Variants in PDZRN4 observed in about 807,000 individuals in gnomAD.
PDZRN4 encodes the protein PDZ domain containing ring finger 4.
PDZRN4 carries 70 observed loss-of-function variants against 99.0 expected under a neutral mutation model. That is an observed-to-expected ratio of 0.71 (90% CI 0.58 to 0.86). The LOEUF is 0.86. Ranked by LOEUF, PDZRN4 falls within the 40% of genes least tolerant of loss-of-function variation. The pLI is 0.00. For missense variants in PDZRN4, 1,474 were observed against 1,331.2 expected (o/e 1.11, Z -1.67); for synonymous variants, 551 against 501.6 (o/e 1.10, Z -1.32).
At chr12:41,376,132 A>G (rs1952077713) in intron 3 of PDZRN4, among the ~76,000 whole-genome samples, 1 of 152,126 alleles carries the variant, frequency 6.6e-6, no homozygotes, top group Admixed American at 6.6e-5. Context: ...ATGTCTGTGT[A>G]TATCTCACAA....
intron 3 of PDZRN4, among the ~76,000 whole-genome samples, chr12:41,385,787 A>G (rs1437549828): frequency 2.0e-5 from 3 of 152,188 alleles, no homozygotes; most frequent in Non-Finnish European, 2.9e-5. Flanking sequence ...AAAGTTGAGG[A>G]GGAAGGACTC....
chr12:41,341,254 C>T (rs1028628891), intron 3 of PDZRN4, among the ~76,000 whole-genome samples: 1 of 151,660 alleles, frequency 6.6e-6, no homozygotes, highest in African/African-American at 2.4e-5. Flanking sequence ...TAGCTAACAT[C>T]ATACTGAATG....
chr12:41,388,821 A>T (rs893616888), intron 3 of PDZRN4, among the ~76,000 whole-genome samples: 3 of 152,196 alleles, frequency 2.0e-5, no homozygotes, highest in African/African-American at 7.2e-5. Context: ...TTTGGCAGTT[A>T]CCTTCAAATA....
At chr12:41,254,897 G>A (rs1431121) in intron 3 of PDZRN4, among the ~76,000 whole-genome samples, 95,924 of 151,838 alleles carry the variant, frequency 0.63, 30,593 homozygotes, top group Middle Eastern at 0.71. Context: ...ACTAGCCTAG[G>A]CAACACAGGG....
chr12:41,519,017 T>C (rs1298973098), intron 5 of PDZRN4, among the ~76,000 whole-genome samples: 1 of 152,076 alleles, frequency 6.6e-6, no homozygotes, highest in Non-Finnish European at 1.5e-5. Flanking sequence ...TTCATCAACA[T>C]AGTAAATGGG....
chr12:41,402,039 C>G (rs576038861), intron 3 of PDZRN4, among the ~76,000 whole-genome samples: 1 of 142,982 alleles, frequency 7.0e-6, no homozygotes, highest in South Asian at 2.2e-4. Context: ...ACACTTGTAA[C>G]TTCTTCCCAC....
At chr12:41,420,951 C>T (rs975512590) in intron 3 of PDZRN4, among the ~76,000 whole-genome samples, 9 of 152,144 alleles carry the variant, frequency 5.9e-5, no homozygotes, top group Non-Finnish European at 1.2e-4. Flanking sequence ...CACGGTACGT[C>T]TTCCTCCTGA....
At chr12:41,422,978 T>A (rs1952504616) in intron 3 of PDZRN4, among the ~76,000 whole-genome samples, 1 of 152,122 alleles carries the variant, frequency 6.6e-6, no homozygotes, top group Admixed American at 6.5e-5. Flanking sequence ...CATATGCTGA[T>A]TCTGGTTTTA....
chr12:41,365,594 G>A (rs12300618), intron 3 of PDZRN4, among the ~76,000 whole-genome samples: 1,617 of 152,122 alleles, frequency 0.011, 29 homozygotes, highest in African/African-American at 0.037. Context: ...TTGACGGATA[G>A]CAAGTAGCTA....
At chr12:41,458,382 A>G (rs780082365) in intron 3 of PDZRN4, among the ~76,000 whole-genome samples, 16 of 152,102 alleles carry the variant, frequency 1.1e-4, no homozygotes, top group Non-Finnish European at 2.2e-4. Context: ...GTCTTGAACT[A>G]CTGACCTCAG....
chr12:41,210,718 G>C (rs1950882637), intron 3 of PDZRN4, among the ~76,000 whole-genome samples: 1 of 151,920 alleles, frequency 6.6e-6, no homozygotes, highest in Non-Finnish European at 1.5e-5. Flanking sequence ...ATATAAATCT[G>C]AACTTACCTA....
intron 3 of PDZRN4, among the ~76,000 whole-genome samples, chr12:41,224,998 A>T (rs1176309141): frequency 6.6e-6 from 1 of 152,166 alleles, no homozygotes; most frequent in African/African-American, 2.4e-5. Flanking sequence ...AAAAATAAAA[A>T]TAGAATACTT....
intron 9 of PDZRN4, among the ~76,000 whole-genome samples, chr12:41,571,374 T>TCACACACACACACA (rs1254502549): frequency 1.6e-5 from 1 of 60,714 alleles, no homozygotes; most frequent in Admixed American, 1.9e-4. Context: ...TCTCTCTCTC[T>TCACACACACACACA]CTCACACACA....
At chr12:41,299,908 C>G (rs1951522821) in intron 3 of PDZRN4, among the ~76,000 whole-genome samples, 1 of 151,852 alleles carries the variant, frequency 6.6e-6, no homozygotes, top group Non-Finnish European at 1.5e-5. Context: ...AACAAAGTTT[C>G]TTTCAAAAAT....
intron 3 of PDZRN4, among the ~76,000 whole-genome samples, chr12:41,216,199 T>C (rs1206583373): frequency 6.6e-6 from 1 of 152,040 alleles, no homozygotes; most frequent in Admixed American, 6.6e-5. Context: ...AGTATTGTTC[T>C]GGACATTATA....
At chr12:41,439,692 C>G (rs1436309780) in intron 3 of PDZRN4, among the ~76,000 whole-genome samples, 1 of 152,146 alleles carries the variant, frequency 6.6e-6, no homozygotes, top group Non-Finnish European at 1.5e-5. Context: ...AAGCCATGCT[C>G]TTTATTGCCT....
rs530603950 is a variant in PDZRN4, at chr12:41,547,410, G to A, written c.1204-5246G>A. On this transcript the variant is annotated intron_variant, in intron 5 of 9. Transcript: ENST00000402685. ...GGAGGCCAAGGCTGGCAGATCACTT[G>A]AGGTCAGGAGTTTGAGACCAACCTG... Among the ~76,000 whole-genome samples, 6 of 152,240 alleles carry A rather than the reference G, an allele frequency of 3.9e-5. No homozygotes were observed. The South Asian group carries it at 1.2e-3, about 32-fold the overall frequency.
chr12:41,507,597 G>A (rs2120677180), intron 4 of PDZRN4, among the ~76,000 whole-genome samples: 1 of 152,120 alleles, frequency 6.6e-6, no homozygotes, highest in African/African-American at 2.4e-5. Context: ...AGAATCACCT[G>A]GGAACTTTCA....
intron 3 of PDZRN4, among the ~76,000 whole-genome samples, chr12:41,204,006 G>A (rs75850939): frequency 0.029 from 4,376 of 151,940 alleles, 160 homozygotes; most frequent in East Asian, 0.17. Context: ...GCTAATGGTT[G>A]GGTATCACAG....
Sources: gnomAD v4.1 joint callset for allele counts (sites outside exome capture counted in the v4.1 genomes callset) on GRCh38, gnomAD v4.1.1 for gene constraint, MANE v1.5 for transcripts, NCBI Gene and HGNC (gene_info 2026-07-23, HGNC 2026-07-21) for gene names.